PROSER2: variants seen among roughly 807,000 people sequenced by gnomAD.
The protein encoded by PROSER2 is proline and serine rich 2, also known as proline and serine-rich protein 2.
Under a neutral mutation model 14.6 loss-of-function variants are expected in PROSER2, and 18 were observed. The observed-to-expected ratio is 1.23, with a 90% CI of 0.85 to 1.83. The LOEUF is 1.83. Ranked by LOEUF, PROSER2 falls within the 40% of genes most tolerant of loss-of-function variation. The pLI, the probability that PROSER2 is intolerant of heterozygous loss-of-function variation, is 0.00. For missense variants in PROSER2, 823 were observed against 629.8 expected (o/e 1.31, Z -3.28); for synonymous variants, 367 against 286.4 (o/e 1.28, Z -2.84).
At chr10:11,852,429 G>A (rs899415092) in intron 2 of PROSER2, among the ~76,000 whole-genome samples, 7 of 152,084 alleles carry the variant, frequency 4.6e-5, no homozygotes, top group African/African-American at 1.7e-4. Flanking sequence ...CAAATCCCTC[G>A]CTGTGGCCAG....
chr10:11,855,301 G>A (rs1204820522), intron 2 of PROSER2, among the ~76,000 whole-genome samples: 1 of 151,494 alleles, frequency 6.6e-6, no homozygotes, highest in Non-Finnish European at 1.5e-5. Flanking sequence ...GTGAAACCCC[G>A]TCTCTACTAA....
rs201422695 is a variant in PROSER2 at position 11,839,378 on chromosome 10, TA to T, written c.-81-12614del. ...AAAAAGATTGATAAATTCAACTACA[TA>T]AAAATAAATTCTTTAGGTCATATTA... On this transcript the variant is annotated intron_variant, in intron 1 of 3. Coordinates refer to ENST00000277570, the MANE Select transcript of PROSER2 (RefSeq NM_153256.4). Among the ~76,000 whole-genome samples the T allele has an allele frequency of 9.8e-3, 1,497 of 152,292 alleles. 22 individuals are homozygous for T. Among genetic ancestry groups the T allele is most frequent in the African/African-American group, 0.034 (1,432 of 41,572 alleles).
chr10:11,829,645 C>A (rs1833663962), intron 1 of PROSER2, among the ~76,000 whole-genome samples: 1 of 151,792 alleles, frequency 6.6e-6, no homozygotes, highest in Non-Finnish European at 1.5e-5. Context: ...ACTTGCCAAA[C>A]TGACTTAGAG....
In PROSER2 at chr10:11,823,856, G is replaced by T. The variant is rs540828126; in HGVS notation, c.-82+386G>T. Among the ~76,000 whole-genome samples, 1 of 152,318 alleles carries T rather than the reference G, an allele frequency of 6.6e-6. No homozygotes were observed. The highest frequency in any genetic ancestry group is 1.9e-4 in the East Asian group (1 of 5,176). On this transcript the variant is annotated intron_variant, in intron 1 of 3. Coordinates refer to ENST00000277570, the MANE Select transcript of PROSER2 (RefSeq NM_153256.4). This position sits in a 1 kb window ranked among gnomAD's most constrained non-coding sequence, Gnocchi z 6.2. ...ACCCGGGACCCCTGTCCTTTGCGCC[G>T]TGGGACCCCATGCGGCCTCGGGGAG... is the stretch of plus-strand genomic sequence containing the variant.
chr10:11,857,613 C>T (rs779178862), intron 2 of PROSER2, among the ~76,000 whole-genome samples: 7 of 151,962 alleles, frequency 4.6e-5, no homozygotes, highest in African/African-American at 7.3e-5. Flanking sequence ...GGCGTGGTGA[C>T]GCGTGCCTGT....
At position 11,826,896 on chromosome 10, in the gene PROSER2, T is replaced by TC. The variant is rs1257950672; in HGVS notation, c.-82+3426_-82+3427insC. ...CACCCGGCCTTTTTTTTTTTTTTTT[T>TC]TCCTCTGACATAGGATTTCACTGTG... On this transcript the variant is annotated intron_variant, in intron 1 of 3. Transcript: ENST00000277570. 7.0e-3 allele frequency among the ~76,000 whole-genome samples: 954 copies of TC among 136,974 alleles called. 11 individuals are homozygous for TC. Among genetic ancestry groups the TC allele is most frequent in the African/African-American group, 0.024 (916 of 38,438 alleles). The allele number at this position is 136,974 out of a possible 152,430, so 89.9% of individuals were successfully genotyped here.
In PROSER2 at chr10:11,837,260, A is replaced by G. The variant is rs750120616; in HGVS notation, c.-82+13790A>G. Reference sequence around the variant, plus strand: ...GTCGCTGAGACCTACTGTAAGAACAAATCATCTTCTGTCTGTGAAGGTGTG... The same window carrying G: ...GTCGCTGAGACCTACTGTAAGAACAGATCATCTTCTGTCTGTGAAGGTGTG... On this transcript the variant is annotated intron_variant, in intron 1 of 3. Coordinates refer to ENST00000277570, the MANE Select transcript of PROSER2 (RefSeq NM_153256.4). The surrounding 1 kb of genome is among the most constrained non-coding windows in gnomAD (Gnocchi z 4.6). 6.6e-6 allele frequency among the ~76,000 whole-genome samples: 1 copy of G among 152,220 alleles called. No individual in the cohort carries two copies. Among genetic ancestry groups the G allele is most frequent in the African/African-American group, 2.4e-5 (1 of 41,458 alleles).
At chr10:11,847,921 C>CG (rs1223954971) in intron 1 of PROSER2, among the ~76,000 whole-genome samples, 1 of 152,158 alleles carries the variant, frequency 6.6e-6, no homozygotes, top group Non-Finnish European at 1.5e-5. Flanking sequence ...AACTTGATAA[C>CG]GGTTTTTATT....
In PROSER2 at chr10:11,870,427, C is replaced by G. The variant is rs1301683287; in HGVS notation, c.*21C>G. The G allele has an allele frequency of 6.9e-7, 1 of 1,451,710 alleles. No individual in the cohort carries two copies. The highest frequency in any genetic ancestry group is 9.1e-7 in the Non-Finnish European group (1 of 1,104,526). The allele number at this position is 1,451,710 out of a possible 1,614,324, so 89.9% of individuals were successfully genotyped here. A position where few individuals can be genotyped will look rare whatever the true frequency, so the allele number is the denominator to read the frequency against. On this transcript the variant is annotated 3_prime_UTR_variant, in exon 4 of 4. Transcript: ENST00000277570. Reference sequence around the variant, plus strand: ...CGTGAGGGCCGCGCGGGCTCCAGTCCACCCCGTTTCTCCCCACCCTGAAGA... The same window carrying G: ...CGTGAGGGCCGCGCGGGCTCCAGTCGACCCCGTTTCTCCCCACCCTGAAGA...
chr10:11,831,001 A>G (rs755739740), intron 1 of PROSER2, among the ~76,000 whole-genome samples: 1 of 152,244 alleles, frequency 6.6e-6, no homozygotes, highest in Non-Finnish European at 1.5e-5. Context: ...AGATGAGGTT[A>G]AAAGTTTCAT....
At position 11,869,616 on chromosome 10, in the gene PROSER2, G is replaced by A. The variant is rs1171900123; in HGVS notation, c.518G>A (p.Arg173Lys). The A allele has an allele frequency of 8.7e-6, 14 of 1,604,236 alleles. No homozygotes were observed. Among genetic ancestry groups the A allele is most frequent in the Non-Finnish European group, 1.1e-5 (13 of 1,174,490 alleles). ...CCTAGCACCCCCGATCCCCCCAGGAGGGAGCTGCGCGCCCCCTCCCCGCCG... is the reference window on the plus strand; with the variant it reads ...CCTAGCACCCCCGATCCCCCCAGGAAGGAGCTGCGCGCCCCCTCCCCGCCG... ...PLPSTPDPPR[R>K]ELRAPSPPVE... Residue 173 changes from arginine to lysine, a missense_variant, in exon 4 of 4, where the codon AGG (arginine) becomes AAG (lysine). Transcript: ENST00000277570. The surrounding 1 kb of genome is among the most constrained non-coding windows in gnomAD (Gnocchi z 4.4).
intron 2 of PROSER2, among the ~76,000 whole-genome samples, chr10:11,861,887 G>T (rs1287927079): frequency 6.6e-6 from 1 of 152,198 alleles, no homozygotes; most frequent in Non-Finnish European, 1.5e-5. Context: ...TACCTAGGAA[G>T]ACATAGGGCA....
Position 11,866,822 on chromosome 10 carries a change from C to G in PROSER2, c.391+39C>G, listed in dbSNP as rs745823199. ...CAGGCCATCCCTGGGATGTGGTTTC[C>G]TGGTGTCTGTGAGACCCAGAGATAC... On this transcript the variant is annotated intron_variant, in intron 3 of 3. Transcript: ENST00000277570. The surrounding 1 kb of genome is among the most constrained non-coding windows in gnomAD (Gnocchi z 6.0). 4 of 1,589,308 alleles carry G rather than the reference C, an allele frequency of 2.5e-6. No individual in the cohort carries two copies. The highest frequency in any genetic ancestry group is 3.4e-6 in the Non-Finnish European group (4 of 1,171,094).
Position 11,869,556 on chromosome 10 carries a change from C to G in PROSER2, c.458C>G (p.Pro153Arg), listed in dbSNP as rs755953494. 4 of 1,612,756 alleles carry G rather than the reference C, an allele frequency of 2.5e-6. No homozygotes were observed. The highest frequency in any genetic ancestry group is 3.4e-6 in the Non-Finnish European group (4 of 1,179,000). Residue 153 changes from proline to arginine, a missense_variant, in exon 4 of 4, where the codon CCG becomes CGG. By Grantham distance (103) the Pro-to-Arg change is moderately radical. Coordinates refer to ENST00000277570, the MANE Select transcript of PROSER2 (RefSeq NM_153256.4). This position sits in a 1 kb window ranked among gnomAD's most constrained non-coding sequence, Gnocchi z 4.4. The part of the protein sequence containing the change: ...DAETPPPPDP[P>R]APETLLAPPP... Reference sequence around the variant, plus strand: ...GAGACTCCTCCACCTCCAGACCCCCCGGCTCCCGAGACCCTTCTTGCGCCA... The same window carrying G: ...GAGACTCCTCCACCTCCAGACCCCCGGGCTCCCGAGACCCTTCTTGCGCCA...
intron 1 of PROSER2, among the ~76,000 whole-genome samples, chr10:11,826,471 G>A (rs999623093): frequency 3.9e-5 from 6 of 152,228 alleles, no homozygotes; most frequent in Admixed American, 6.5e-5. Context: ...TATAGCAGCT[G>A]TACCATTTTG....
chr10:11,849,806 T>C (rs936854326), intron 1 of PROSER2: 1 of 152,298 alleles, frequency 6.6e-6, no homozygotes, highest in African/African-American at 2.4e-5. Context: ...AGCTCATGTG[T>C]TGGACACTTA....
At chr10:11,867,207 G>A (rs1247841377) in intron 3 of PROSER2, among the ~76,000 whole-genome samples, 1 of 147,242 alleles carries the variant, frequency 6.8e-6, no homozygotes, top group African/African-American at 2.5e-5. Context: ...AGAGCTTGCA[G>A]TGAGCCGAGA....
At chr10:11,826,670 C>G (rs1326964547) in intron 1 of PROSER2, among the ~76,000 whole-genome samples, 1 of 152,098 alleles carries the variant, frequency 6.6e-6, no homozygotes, top group African/African-American at 2.4e-5. Flanking sequence ...CTCTGCCTCC[C>G]GTGTTCACAC....
Position 11,838,276 on chromosome 10 carries a change from A to T in PROSER2, c.-81-13721A>T, listed in dbSNP as rs1281893379. Among the ~76,000 whole-genome samples, 1 of 152,198 alleles carries T rather than the reference A, an allele frequency of 6.6e-6. No individual in the cohort carries two copies. The highest frequency in any genetic ancestry group is 1.5e-5 in the Non-Finnish European group (1 of 68,038). On this transcript the variant is annotated intron_variant, in intron 1 of 3. Coordinates refer to ENST00000277570, the MANE Select transcript of PROSER2 (RefSeq NM_153256.4). This position sits in a 1 kb window ranked among gnomAD's most constrained non-coding sequence, Gnocchi z 4.4. ...AGCGCTGGGTTTTAAATGTACATGAATAGAATTGCACTAAGAATCTAACTC... is the reference window on the plus strand; with the variant it reads ...AGCGCTGGGTTTTAAATGTACATGATTAGAATTGCACTAAGAATCTAACTC...
Sources: allele counts gnomAD v4.1 joint callset (sites outside exome capture counted in the v4.1 genomes callset), GRCh38; gene constraint gnomAD v4.1.1; non-coding constraint Gnocchi (gnomAD v3.1); transcripts MANE v1.5; gene names NCBI Gene and HGNC (gene_info 2026-07-23, HGNC 2026-07-21).